Variants in CCDC148 observed in about 807,000 individuals in gnomAD.
The protein encoded by CCDC148 is coiled-coil domain containing 148.
CCDC148 carries 89 observed loss-of-function variants against 85.7 expected under a neutral mutation model. That is an observed-to-expected ratio of 1.04 (90% CI 0.87 to 1.24). The LOEUF is 1.24. Ranked by LOEUF, CCDC148 falls within the 50% of genes most tolerant of loss-of-function variation. The pLI, the probability that CCDC148 is intolerant of heterozygous loss-of-function variation, is 0.00. For missense variants in CCDC148, 692 were observed against 671.7 expected, an observed-to-expected ratio of 1.03 and a Z score of -0.33; for synonymous variants, 230 against 213.9, an observed-to-expected ratio of 1.08 and a Z score of -0.66.
At chr2:158,233,296 T>C (rs1215435181) in intron 10 of CCDC148, among the ~76,000 whole-genome samples, 1 of 152,082 alleles carries the variant, frequency 6.6e-6, no homozygotes, top group Admixed American at 6.6e-5. Flanking sequence ...TTTTTTACTA[T>C]AATTTTTCCC....
rs180741232 is a variant in CCDC148 at position 158,227,770 on chromosome 2, C to G, written c.1252-7057G>C. On this transcript the variant is annotated intron_variant, in intron 10 of 13. Coordinates refer to ENST00000283233, the MANE Select transcript of CCDC148 (RefSeq NM_138803.4). ...GCTAGCCATATATAGAAAGCTGAAA[C>G]TGGATCCCTTCCTTATGCCTTATAC... 5.7e-3 allele frequency among the ~76,000 whole-genome samples: 875 copies of G among 152,264 alleles called. 6 individuals are homozygous for G. The highest frequency in any genetic ancestry group is 0.02 in the African/African-American group (849 of 41,546).
chr2:158,295,209 A>C (rs7576989), intron 9 of CCDC148, among the ~76,000 whole-genome samples: 118,239 of 151,238 alleles, frequency 0.78, 46,231 homozygotes, highest in East Asian at 0.81. Flanking sequence ...CAATAACAGG[A>C]GCTGAAATTG....
At chr2:158,376,663 G>A (rs1464151338) in intron 1 of CCDC148, among the ~76,000 whole-genome samples, 1 of 151,806 alleles carries the variant, frequency 6.6e-6, no homozygotes, top group Non-Finnish European at 1.5e-5. Context: ...AAGGAGTTAA[G>A]ATAAAGTTTA....
intron 10 of CCDC148, among the ~76,000 whole-genome samples, chr2:158,227,843 C>G (rs1687632736): frequency 6.6e-6 from 1 of 152,100 alleles, no homozygotes; most frequent in Non-Finnish European, 1.5e-5. Context: ...AGACCTAAAA[C>G]CATAAAAACC....
intron 10 of CCDC148, among the ~76,000 whole-genome samples, chr2:158,235,097 A>G (rs933820779): frequency 3.9e-5 from 6 of 152,328 alleles, no homozygotes; most frequent in Admixed American, 3.9e-4. Context: ...CCTACGTAAC[A>G]AACCTGCACA....
At chr2:158,284,467 C>A (rs894021253) in intron 9 of CCDC148, among the ~76,000 whole-genome samples, 1 of 152,074 alleles carries the variant, frequency 6.6e-6, no homozygotes. Flanking sequence ...GATAGCTACT[C>A]CAAATCAGAG....
chr2:158,225,283 A>G (rs186043993), intron 10 of CCDC148, among the ~76,000 whole-genome samples: 57 of 152,344 alleles, frequency 3.7e-4, no homozygotes, highest in African/African-American at 1.3e-3. Context: ...CACCCAAAAC[A>G]GGAGCACCCA....
intron 1 of CCDC148, among the ~76,000 whole-genome samples, chr2:158,385,010 A>C (rs1236344314): frequency 1.3e-5 from 2 of 152,082 alleles, no homozygotes; most frequent in Non-Finnish European, 2.9e-5. Context: ...TATTGGACTG[A>C]AGGTCCCCCC....
chr2:158,254,195 T>C (rs1049539450), intron 9 of CCDC148, among the ~76,000 whole-genome samples: 5 of 151,842 alleles, frequency 3.3e-5, no homozygotes, highest in African/African-American at 1.2e-4. Context: ...AATTATGAGA[T>C]AATTAGAGCT....
chr2:158,358,924 T>G (rs953439316), intron 1 of CCDC148, among the ~76,000 whole-genome samples: 2 of 152,150 alleles, frequency 1.3e-5, no homozygotes, highest in South Asian at 4.1e-4. Context: ...AGACATCAAC[T>G]GTGAATATTA....
At chr2:158,278,537 CTG>C (rs2105171283) in intron 9 of CCDC148, among the ~76,000 whole-genome samples, 1 of 152,342 alleles carries the variant, frequency 6.6e-6, no homozygotes, top group African/African-American at 2.4e-5. Context: ...GCACAGCAGT[CTG>C]AGATCAAACT....
intron 1 of CCDC148, among the ~76,000 whole-genome samples, chr2:158,438,819 A>G (rs554454272): frequency 2.4e-4 from 36 of 152,368 alleles, no homozygotes; most frequent in African/African-American, 8.4e-4. Flanking sequence ...GGCGAAGGAT[A>G]TGAACAGACA....
Position 158,310,375 on chromosome 2 carries a change from C to T in CCDC148, c.904-736G>A, listed in dbSNP as rs182073324. Among the ~76,000 whole-genome samples the T allele has an allele frequency of 3.9e-3, 600 of 152,370 alleles. 3 individuals carry two copies. Among genetic ancestry groups the T allele is most frequent in the African/African-American group, 0.013 (530 of 41,590 alleles). ...ATCTCTCTTTCTTTTCCCTACATTT[C>T]CCCCTTTTCTATGCGACAAAACTGC... On this transcript the variant is annotated intron_variant, in intron 8 of 13. Transcript: ENST00000283233.
intron 9 of CCDC148, among the ~76,000 whole-genome samples, chr2:158,273,422 A>G (rs1689786705): frequency 6.6e-6 from 1 of 152,132 alleles, no homozygotes; most frequent in African/African-American, 2.4e-5. Context: ...ACCTCCTTCC[A>G]CTATAAAATG....
chr2:158,358,724 T>C (rs1405948950), intron 1 of CCDC148, among the ~76,000 whole-genome samples, 154 bp from the exon 2 acceptor site: 1 of 151,892 alleles, frequency 6.6e-6, no homozygotes, highest in African/African-American at 2.4e-5. Flanking sequence ...AATAATATAT[T>C]TGAGGCCTCT....
chr2:158,374,390 C>T (rs377675588), intron 1 of CCDC148, among the ~76,000 whole-genome samples: 1 of 152,020 alleles, frequency 6.6e-6, no homozygotes, highest in East Asian at 1.9e-4. Flanking sequence ...ATAGTAGACA[C>T]AAATAATGTA....
At chr2:158,194,204 C>T (rs1041510904) in intron 11 of CCDC148, among the ~76,000 whole-genome samples, 1 of 152,038 alleles carries the variant, frequency 6.6e-6, no homozygotes, top group Admixed American at 6.6e-5. Flanking sequence ...TTTCTACCCT[C>T]CTGTTTCCAA....
intron 1 of CCDC148, among the ~76,000 whole-genome samples, chr2:158,404,659 G>A (rs2105308800): frequency 6.6e-6 from 1 of 152,196 alleles, no homozygotes; most frequent in Non-Finnish European, 1.5e-5. Flanking sequence ...GCCTTTAGCA[G>A]AGATTTTATG....
At chr2:158,186,293 A>T (rs959277566) in intron 11 of CCDC148, among the ~76,000 whole-genome samples, 3 of 151,990 alleles carry the variant, frequency 2.0e-5, no homozygotes, top group African/African-American at 7.3e-5. Flanking sequence ...TTTTCCTTAG[A>T]CTGAACTTAG....
Sources: gnomAD v4.1 joint callset for allele counts (sites outside exome capture counted in the v4.1 genomes callset) on GRCh38, gnomAD v4.1.1 for gene constraint, MANE v1.5 for transcripts, NCBI Gene and HGNC (gene_info 2026-07-23, HGNC 2026-07-21) for gene names.